The following CDKAL1 variants were observed in gnomAD, a reference collection of about 807,000 sequenced individuals.
CDKAL1 encodes the protein CDKAL1 threonylcarbamoyladenosine tRNA methylthiotransferase, also known as threonylcarbamoyladenosine tRNA methylthiotransferase.
Under a neutral mutation model 68.2 loss-of-function variants are expected in CDKAL1, and 32 were observed. The observed-to-expected ratio is 0.47, with a 90% CI of 0.35 to 0.63. The LOEUF is 0.63. CDKAL1 is among the 30% of genes least tolerant of loss of function. CDKAL1 has a pLI of 0.00. For synonymous variants in CDKAL1, 234 were observed against 244.3 expected (o/e 0.96, Z 0.39); for missense variants, 606 against 696.7 (o/e 0.87, Z 1.47).
At chr6:20,549,008 A>T (rs181618568) in intron 4 of CDKAL1, among the ~76,000 whole-genome samples, 8 of 152,318 alleles carry the variant, frequency 5.3e-5, no homozygotes, top group Middle Eastern at 3.4e-3. Context: ...GGAAATTAAC[A>T]TTAGTGCATT....
At chr6:20,718,548 A>G (rs952338417) in intron 5 of CDKAL1, among the ~76,000 whole-genome samples, 1 of 152,198 alleles carries the variant, frequency 6.6e-6, no homozygotes, top group African/African-American at 2.4e-5. Flanking sequence ...GGTGAAAGAA[A>G]AGAAGCTGAA....
rs541972580 is a variant in CDKAL1, at chr6:20,786,828, C to T, written c.638+5563C>T. 4.6e-5 allele frequency among the ~76,000 whole-genome samples: 7 copies of T among 152,006 alleles called. No homozygotes were observed. In the East Asian group the frequency reaches 5.8e-4, roughly 13 times the overall value. On this transcript the variant is annotated intron_variant, in intron 8 of 15. Transcript: ENST00000274695. The stretch of plus-strand genomic sequence containing the variant: ...CTTATTTTTTCTAGCAGTGGGAATA[C>T]GGTGTGGAGACGGGTAGGAGGTAGT...
rs1308292292 is a variant in CDKAL1 at position 20,548,710 on chromosome 6, T to G, written c.286+5T>G. On this transcript the variant is annotated splice_donor_5th_base_variant and intron_variant, in intron 4 of 15. Coordinates refer to ENST00000274695, the MANE Select transcript of CDKAL1 (RefSeq NM_017774.3). ...CTTATGGCTATAAAATTACAGGTAA[T>G]GAGATCTATAATATATTTTATTGAT... The G allele has an allele frequency of 8.1e-7, 1 of 1,231,286 alleles. No individual in the cohort carries two copies. The highest frequency in any genetic ancestry group is 1.2e-6 in the Non-Finnish European group (1 of 844,172). The allele number at this position is 1,231,286 out of a possible 1,614,324, so 76.3% of individuals were successfully genotyped here. A position where few individuals can be genotyped will look rare whatever the true frequency, so the allele number is the denominator to read the frequency against.
At chr6:20,709,095 TG>T (rs1771731088) in intron 5 of CDKAL1, among the ~76,000 whole-genome samples, 1 of 151,938 alleles carries the variant, frequency 6.6e-6, no homozygotes, top group South Asian at 2.1e-4. Flanking sequence ...CCCCAGAGCC[TG>T]GAAGTGTGCT....
At chr6:20,771,301 C>T (rs1561763627) in intron 7 of CDKAL1, among the ~76,000 whole-genome samples, 2 of 152,122 alleles carry the variant, frequency 1.3e-5, no homozygotes, top group East Asian at 3.9e-4. Flanking sequence ...CTTATCTCAA[C>T]GGGTTGAGGA....
At chr6:20,784,995 T>G (rs1775608148) in intron 8 of CDKAL1, among the ~76,000 whole-genome samples, 1 of 152,166 alleles carries the variant, frequency 6.6e-6, no homozygotes, top group East Asian at 1.9e-4. Context: ...TTCCCTCTTG[T>G]AGACTTAATG....
chr6:20,992,617 G>T (rs1398832901), intron 10 of CDKAL1, among the ~76,000 whole-genome samples: 1 of 152,156 alleles, frequency 6.6e-6, no homozygotes, highest in Non-Finnish European at 1.5e-5. Context: ...GGCTAGGCAT[G>T]GTGGGCATGG....
At chr6:20,931,380 A>G (rs1368787938) in intron 9 of CDKAL1, among the ~76,000 whole-genome samples, 1 of 152,130 alleles carries the variant, frequency 6.6e-6, no homozygotes, top group Non-Finnish European at 1.5e-5. Context: ...TCACCATACA[A>G]TTTTACAAAT....
At chr6:21,113,603 A>T (rs546330484) in intron 13 of CDKAL1, among the ~76,000 whole-genome samples, 1 of 151,934 alleles carries the variant, frequency 6.6e-6, no homozygotes, top group Non-Finnish European at 1.5e-5. Context: ...TCCGGGTTCA[A>T]GCAATTCTCC....
In CDKAL1 at chr6:21,013,676, G is replaced by A. The variant is rs148638654; in HGVS notation, c.1055+13304G>A. The stretch of plus-strand genomic sequence containing the variant: ...TGTACTGTCTTCCAAGTTCTGCAGG[G>A]GACAATGTGACCAGATATTTTGCTA... On this transcript the variant is annotated intron_variant, in intron 11 of 15. Coordinates refer to ENST00000274695, the MANE Select transcript of CDKAL1 (RefSeq NM_017774.3). Among the ~76,000 whole-genome samples the A allele has an allele frequency of 8.5e-5, 13 of 152,218 alleles. 2 individuals carry two copies. The East Asian group carries it at 2.5e-3, about 29-fold the overall frequency.
intron 4 of CDKAL1, among the ~76,000 whole-genome samples, chr6:20,633,769 A>G (rs893862254): frequency 3.3e-5 from 5 of 152,186 alleles, no homozygotes; most frequent in African/African-American, 9.6e-5. Context: ...TATTTCCCCA[A>G]TGGCTAGTGA....
chr6:20,660,108 C>T (rs1453111288), intron 5 of CDKAL1, among the ~76,000 whole-genome samples: 1 of 152,156 alleles, frequency 6.6e-6, no homozygotes. Flanking sequence ...AGAGATAACA[C>T]CTGTGGGGTC....
At chr6:21,037,296 A>G (rs1042814438) in intron 11 of CDKAL1, among the ~76,000 whole-genome samples, 9 of 152,168 alleles carry the variant, frequency 5.9e-5, no homozygotes, top group African/African-American at 2.2e-4. Flanking sequence ...ATGTGCTTGG[A>G]GCAGAATGCC....
chr6:20,884,175 C>G (rs2150566908), intron 9 of CDKAL1, among the ~76,000 whole-genome samples: 1 of 152,152 alleles, frequency 6.6e-6, no homozygotes, highest in East Asian at 1.9e-4. Context: ...AAAAATCAAT[C>G]AATATAATAT....
intron 5 of CDKAL1, among the ~76,000 whole-genome samples, chr6:20,713,441 T>C (rs1243295712): frequency 2.6e-5 from 4 of 152,206 alleles, no homozygotes; most frequent in African/African-American, 4.8e-5. Context: ...TAGTTCCTAA[T>C]ACTTACTCTC....
At chr6:21,142,518 A>T (rs1254323063) in intron 13 of CDKAL1, among the ~76,000 whole-genome samples, 3 of 152,094 alleles carry the variant, frequency 2.0e-5, no homozygotes, top group African/African-American at 7.2e-5. Flanking sequence ...ACTAAATGAG[A>T]CTGGCTGGAT....
intron 7 of CDKAL1, among the ~76,000 whole-genome samples, chr6:20,778,763 C>T (rs1014534533): frequency 2.0e-5 from 3 of 152,082 alleles, no homozygotes; most frequent in African/African-American, 7.2e-5. Context: ...TGTTCTGGCT[C>T]GTACAGACAG....
At chr6:21,197,483 G>A (rs1009047365) in intron 13 of CDKAL1, among the ~76,000 whole-genome samples, 13 of 152,228 alleles carry the variant, frequency 8.5e-5, no homozygotes, top group African/African-American at 3.1e-4. Flanking sequence ...GAATTACTCA[G>A]TACTTTCAGA....
intron 15 of CDKAL1, among the ~76,000 whole-genome samples, chr6:21,214,874 G>GATGA (rs58042681): frequency 0.32 from 47,185 of 149,600 alleles, 7,811 homozygotes; most frequent in Middle Eastern, 0.39. Context: ...ACGTCTGTTG[G>GATGA]ATGAATGAAT....
Sources: allele counts gnomAD v4.1 joint callset (sites outside exome capture counted in the v4.1 genomes callset), GRCh38; gene constraint gnomAD v4.1.1; transcripts MANE v1.5; gene names NCBI Gene and HGNC (gene_info 2026-07-23, HGNC 2026-07-21).